The following SEMA6D variants were observed in gnomAD, a reference collection of about 807,000 sequenced individuals.
The protein encoded by SEMA6D is semaphorin-6D.
A neutral mutation model predicts 106.6 loss-of-function variants in SEMA6D; 35 were observed. The ratio of observed to expected loss-of-function variants is 0.33; its 90% CI spans 0.25 to 0.44. SEMA6D has a LOEUF of 0.44. SEMA6D is among the 20% of genes least tolerant of loss of function. SEMA6D has a pLI of 1.00. For synonymous variants in SEMA6D, 499 were observed against 487.7 expected, an observed-to-expected ratio of 1.02 and a Z score of -0.31; for missense variants, 1,185 against 1,345.9, an observed-to-expected ratio of 0.88 and a Z score of 1.87.
chr15:47,425,637 GT>G (rs1439682231), intron 2 of SEMA6D, among the ~76,000 whole-genome samples: 5 of 146,760 alleles, frequency 3.4e-5, no homozygotes, highest in African/African-American at 1.3e-4. Context: ...ACTGAAATTT[GT>G]TTCACTGTGC....
chr15:47,188,968 C>T (rs911794333), intron 1 of SEMA6D, among the ~76,000 whole-genome samples: 2 of 152,166 alleles, frequency 1.3e-5, no homozygotes, highest in African/African-American at 4.8e-5. Flanking sequence ...CCAACCCTGA[C>T]TTTAATGACA....
intron 1 of SEMA6D, among the ~76,000 whole-genome samples, chr15:47,231,156 C>G (rs1361361101): frequency 6.6e-6 from 1 of 151,934 alleles, no homozygotes; most frequent in Non-Finnish European, 1.5e-5. Context: ...TTTCTCCCTT[C>G]TCTTTTTCTC....
Position 47,765,349 on chromosome 15 carries a change from C to T in SEMA6D, c.1427+293C>T, listed in dbSNP as rs141018623. On this transcript the variant is annotated intron_variant, in intron 13 of 18. Coordinates refer to ENST00000536845, the MANE Select transcript of SEMA6D (RefSeq NM_001358351.3). ...TATCTTGCAGATATATTCCAAGATGCTACATGCAGCAGACAGCTGTGAGCT... is the reference window on the plus strand; with the variant it reads ...TATCTTGCAGATATATTCCAAGATGTTACATGCAGCAGACAGCTGTGAGCT... 381 of 1,174,134 alleles carry T rather than the reference C, an allele frequency of 3.2e-4. 1 individual carries two copies. Among genetic ancestry groups the T allele is most frequent in the Middle Eastern group, 1.8e-3 (5 of 2,784 alleles). 72.7% of individuals were successfully genotyped at this position (1,174,134 alleles called of 1,614,324 possible). A position where few individuals can be genotyped will look rare whatever the true frequency, so the allele number is the denominator to read the frequency against.
intron 1 of SEMA6D, among the ~76,000 whole-genome samples, chr15:47,756,758 G>A (rs895363295): frequency 6.6e-6 from 1 of 152,020 alleles, no homozygotes; most frequent in Non-Finnish European, 1.5e-5. Flanking sequence ...TAGTCTGAGG[G>A]GTTTACATGC....
Position 47,454,338 on chromosome 15 carries a change from T to C in SEMA6D, c.-158-16136T>C, listed in dbSNP as rs558773374. Reference sequence around the variant, plus strand: ...TCCAAGGCAATTTTACAACTTGTCATTTTGATGTTCCCCAGTTTTATTCTT... The same window carrying C: ...TCCAAGGCAATTTTACAACTTGTCACTTTGATGTTCCCCAGTTTTATTCTT... On this transcript the variant is annotated intron_variant, in intron 2 of 19. Transcript: ENST00000558014. Among the ~76,000 whole-genome samples the C allele has an allele frequency of 2.0e-5, 3 of 152,116 alleles. No homozygotes were observed. The South Asian group carries it at 6.2e-4, about 32-fold the overall frequency.
At chr15:47,502,524 G>A (rs2043887160) in intron 3 of SEMA6D, among the ~76,000 whole-genome samples, 1 of 152,112 alleles carries the variant, frequency 6.6e-6, no homozygotes, top group South Asian at 2.1e-4. Context: ...GGCCTGAAGT[G>A]CAAATGGAAA....
intron 1 of SEMA6D, among the ~76,000 whole-genome samples, chr15:47,350,263 G>A (rs2038267129): frequency 6.7e-6 from 1 of 149,254 alleles, no homozygotes; most frequent in South Asian, 2.2e-4. Flanking sequence ...CAGTCACTAG[G>A]CCAGAAACTA....
At chr15:47,287,356 A>G (rs962653704) in intron 1 of SEMA6D, among the ~76,000 whole-genome samples, 10 of 152,228 alleles carry the variant, frequency 6.6e-5, no homozygotes, top group Admixed American at 2.0e-4. Flanking sequence ...AAAAATACAT[A>G]TAGTCTTTGA....
At chr15:47,227,972 ATT>A (rs1491126378) in intron 1 of SEMA6D, among the ~76,000 whole-genome samples, 4 of 141,406 alleles carry the variant, frequency 2.8e-5, no homozygotes, top group Non-Finnish European at 6.2e-5. Context: ...TCTTATATAT[ATT>A]TTATATATAT....
intron 3 of SEMA6D, among the ~76,000 whole-genome samples, chr15:47,542,617 A>G (rs1213306049): frequency 6.6e-6 from 1 of 152,000 alleles, no homozygotes. Context: ...TCCATTCCTA[A>G]TGTTTACAGT....
chr15:47,457,166 A>G (rs774605349), intron 2 of SEMA6D, among the ~76,000 whole-genome samples: 4 of 152,140 alleles, frequency 2.6e-5, no homozygotes, highest in Non-Finnish European at 5.9e-5. Flanking sequence ...GGTCTTCTAT[A>G]ACAAAGATTA....
intron 4 of SEMA6D, among the ~76,000 whole-genome samples, chr15:47,638,058 G>A (rs558229456): frequency 6.6e-6 from 1 of 152,208 alleles, no homozygotes; most frequent in East Asian, 1.9e-4. Flanking sequence ...AAAATTTGGT[G>A]CAGTAACTAG....
At chr15:47,413,207 T>C (rs2040856079) in intron 2 of SEMA6D, among the ~76,000 whole-genome samples, 2 of 152,142 alleles carry the variant, frequency 1.3e-5, no homozygotes, top group South Asian at 4.1e-4. Flanking sequence ...TTGAAAAAAG[T>C]AATAATTAAA....
chr15:47,278,996 A>G (rs981398846), intron 1 of SEMA6D, among the ~76,000 whole-genome samples: 2 of 141,522 alleles, frequency 1.4e-5, no homozygotes, highest in Non-Finnish European at 3.0e-5. Flanking sequence ...CACCAGTACC[A>G]TGCTGTTTTG....
At chr15:47,635,976 AT>A (rs1316527940) in intron 4 of SEMA6D, among the ~76,000 whole-genome samples, 84 of 121,140 alleles carry the variant, frequency 6.9e-4, no homozygotes, top group Non-Finnish European at 9.2e-4. Flanking sequence ...AAAAAAAAAA[AT>A]TTTACCGAAG....
At chr15:47,193,819 A>C (rs993164363) in intron 1 of SEMA6D, among the ~76,000 whole-genome samples, 1 of 152,036 alleles carries the variant, frequency 6.6e-6, no homozygotes, top group African/African-American at 2.4e-5. Context: ...GACTTCTATT[A>C]ATCTGCAGAA....
upstream of SEMA6D, among the ~76,000 whole-genome samples, chr15:47,715,781 T>A (rs1448342417): frequency 6.6e-6 from 1 of 152,094 alleles, no homozygotes; most frequent in Admixed American, 6.5e-5. Flanking sequence ...CAGAATTTAA[T>A]TTTTTTTCCC....
intron 1 of SEMA6D, among the ~76,000 whole-genome samples, chr15:47,225,486 G>A (rs982746228): frequency 3.1e-5 from 4 of 129,694 alleles, no homozygotes; most frequent in South Asian, 2.5e-4. Flanking sequence ...TCTTTGGCCC[G>A]TTTTTTAATC....
At chr15:47,213,275 C>T (rs895191533) in intron 1 of SEMA6D, among the ~76,000 whole-genome samples, 3 of 152,158 alleles carry the variant, frequency 2.0e-5, no homozygotes, top group Non-Finnish European at 4.4e-5. Flanking sequence ...GACAGCATTG[C>T]TCTTAAACAA....
Sources: allele counts gnomAD v4.1 joint callset (sites outside exome capture counted in the v4.1 genomes callset), GRCh38; gene constraint gnomAD v4.1.1; transcripts MANE v1.5; gene names NCBI Gene and HGNC (gene_info 2026-07-23, HGNC 2026-07-21).